LILRA4: variants seen among roughly 807,000 people sequenced by gnomAD.
LILRA4 encodes leukocyte immunoglobulin-like receptor subfamily A member 4.
A neutral mutation model predicts 49.5 loss-of-function variants in LILRA4; 51 were observed. The ratio of observed to expected loss-of-function variants is 1.03; its 90% CI spans 0.82 to 1.30. The LOEUF is 1.30. Ranked by LOEUF, LILRA4 falls within the 50% of genes most tolerant of loss-of-function variation. The pLI is 0.00. For missense variants in LILRA4, 624 were observed against 625.6 expected (o/e 1.00, Z 0.03); for synonymous variants, 272 against 265.6 (o/e 1.02, Z -0.23).
Position 54,337,783 on chromosome 19 carries a change from C to T in LILRA4, c.656-87G>A, listed in dbSNP as rs971127891. Reference sequence around the variant, plus strand: ...TAGCCTTCCTCACTAGGGTTTCCAGCGTCCTTGTTTTTTTCTCATTCTGTA... The same window carrying T: ...TAGCCTTCCTCACTAGGGTTTCCAGTGTCCTTGTTTTTTTCTCATTCTGTA... On this transcript the variant is annotated intron_variant, in intron 4 of 7. Coordinates refer to ENST00000291759, the MANE Select transcript of LILRA4 (RefSeq NM_012276.5). 26 of 1,484,164 alleles carry T rather than the reference C, an allele frequency of 1.8e-5. 1 individual carries two copies. The highest frequency in any genetic ancestry group is 4.9e-5 in the Admixed American group (2 of 40,980). 91.9% of individuals were successfully genotyped at this position (1,484,164 alleles called of 1,614,324 possible).
Position 54,337,997 on chromosome 19 carries a change from ATAGCCG to A in LILRA4, c.588_593del (p.Gly197_Tyr198del). ...ACCACACGTATGGGGTGTTGTTTTC[ATAGCCG>A]TAGCATCTGAATGTACCCCTGTTGC... On this transcript the variant is annotated inframe_deletion, in exon 4 of 8. Transcript: ENST00000291759. 6.2e-7 allele frequency: 1 copy of A among 1,613,878 alleles called. No individual in the cohort carries two copies. The highest frequency in any genetic ancestry group is 8.5e-7 in the Non-Finnish European group (1 of 1,179,954).
intron 3 of LILRA4, 25 bp from the exon 4 acceptor site, chr19:54,338,260 G>A (rs764147883): frequency 2.6e-5 from 42 of 1,597,178 alleles, no homozygotes; most frequent in Middle Eastern, 1.7e-4. Context: ...AAAGGCAGCC[G>A]TGTTTAAATG....
chr19:54,337,109 C>G lies in LILRA4; in HGVS notation c.987G>C (p.Gln329His), dbSNP rs755550461. The G allele has an allele frequency of 1.2e-5, 19 of 1,613,782 alleles. No homozygotes were observed. Among genetic ancestry groups the G allele is most frequent in the Middle Eastern group, 3.3e-4 (2 of 6,084 alleles). Residue 329 changes from glutamine to histidine, a missense_variant, in exon 6 of 8, where the codon CAG becomes CAC. Physicochemically the swap from Gln to His is conservative, Grantham distance 24. Transcript: ENST00000291759. ...CTCCTGAGGTCACCGTGGGGCCCGG[C>G]TGCACTGAGAGGGAGGGTCTGTCAG... ...QISDRPSLSVQPGPTVTSGEK... is the reference protein window; with the variant it reads ...QISDRPSLSVHPGPTVTSGEK...
At position 54,338,486 on chromosome 19, in the gene LILRA4, T is replaced by A; in HGVS notation, c.265A>T (p.Met89Leu). 6.2e-7 allele frequency: 1 copy of A among 1,614,132 alleles called. No homozygotes were observed. The highest frequency in any genetic ancestry group is 1.6e-4 in the Middle Eastern group (1 of 6,062). ...TGATATCGCCCTGCATGTTCCCACA[T>A]CATGGATGGGATGGAGAGTTTGACC... is the stretch of plus-strand genomic sequence containing the variant. Reference protein sequence around the residue: ...NKVKLSIPSMMWEHAGRYHCY... With the variant: ...NKVKLSIPSMLWEHAGRYHCY... Residue 89 changes from methionine to leucine, a missense_variant, in exon 3 of 8, where the codon ATG becomes TTG. By Grantham distance (15) the Met-to-Leu change is conservative. Coordinates refer to ENST00000291759, the MANE Select transcript of LILRA4 (RefSeq NM_012276.5).
intron 3 of LILRA4, 52 bp from the exon 4 acceptor site, chr19:54,338,287 C>A (rs749669146): frequency 5.0e-6 from 8 of 1,593,104 alleles, no homozygotes; most frequent in Non-Finnish European, 6.0e-6. Flanking sequence ...ACACCTCCCA[C>A]CTTATCCTAC....
intron 2 of LILRA4, 72 bp downstream of exon 2, chr19:54,338,794 C>A: frequency 6.2e-7 from 1 of 1,606,296 alleles, no homozygotes; most frequent in African/African-American, 1.3e-5. Context: ...TGTCTTCACC[C>A]CCAGCTGCCC....
In LILRA4 at chr19:54,333,337, G is replaced by C; in HGVS notation, c.*235C>G. 1.8e-6 allele frequency: 1 copy of C among 565,166 alleles called. No homozygotes were observed. The highest frequency in any genetic ancestry group is 1.9e-5 in the African/African-American group (1 of 52,768). 35.0% of individuals were successfully genotyped at this position (565,166 alleles called of 1,614,324 possible). On this transcript the variant is annotated 3_prime_UTR_variant, in exon 8 of 8. Coordinates refer to ENST00000291759, the MANE Select transcript of LILRA4 (RefSeq NM_012276.5). ...GAGCAGAGCATGAGGTCACAGAGGG[G>C]CGGACCCAAACCCACCATAGGGGTG...
chr19:54,333,604 A>G lies in LILRA4; in HGVS notation c.1468T>C (p.Phe490Leu). The G allele has an allele frequency of 6.2e-7, 1 of 1,614,128 alleles. No homozygotes were observed. The change falls in exon 8 of 8, where the codon TTC becomes CTC. Residue 490 changes from phenylalanine to leucine, a missense_variant. By Grantham distance (22) the Phe-to-Leu change is conservative. Coordinates refer to ENST00000291759, the MANE Select transcript of LILRA4 (RefSeq NM_012276.5). ...TGTTCCCAAGGCTCCACCACTCTGAAGGGTGCATTGTCCTTTCTGCTGTTT... is the reference window on the plus strand; with the variant it reads ...TGTTCCCAAGGCTCCACCACTCTGAGGGGTGCATTGTCCTTTCTGCTGTTT... ...EANSRKDNAPFRVVEPWEQI is the reference protein window; with the variant it reads ...EANSRKDNAPLRVVEPWEQI
At chr19:54,336,232 C>T (rs1463734917) in intron 6 of LILRA4, 1 of 154,236 alleles carries the variant, frequency 6.5e-6, no homozygotes, top group African/African-American at 2.4e-5. Context: ...CCCCTCTGTT[C>T]CTCTGAGGAA....
In LILRA4 at chr19:54,338,665, G is replaced by A; in HGVS notation, c.86C>T (p.Pro29Leu). ...GGGACCTGGCTCGGCCCACAGGATG[G>A]GTTTGAGTAGGTTTTCTGGAAGGAA... Reference protein sequence around the residue: ...TRVQAENLLKPILWAEPGPVI... With the variant: ...TRVQAENLLKLILWAEPGPVI... Residue 29 changes from proline (P) to leucine (L), a missense_variant, in exon 3 of 8, where the codon CCC becomes CTC. Physicochemically the swap from Pro to Leu is moderately conservative, Grantham distance 98 (BLOSUM62 -3). Coordinates refer to ENST00000291759, the MANE Select transcript of LILRA4 (RefSeq NM_012276.5). 1 of 1,609,508 alleles carries A rather than the reference G, an allele frequency of 6.2e-7. No homozygotes were observed. Among genetic ancestry groups the A allele is most frequent in the Non-Finnish European group, 8.5e-7 (1 of 1,177,580 alleles).
Position 54,338,077 on chromosome 19 carries a change from T to C in LILRA4, c.514A>G (p.Asn172Asp). The change falls in exon 4 of 8, where the codon AAC becomes GAC. Residue 172 changes from asparagine to aspartate, a missense_variant. Asn to Asp is a conservative substitution (Grantham distance 23). Coordinates refer to ENST00000291759, the MANE Select transcript of LILRA4 (RefSeq NM_012276.5). ...AACAGGGCCTGGAACTTTCCATGGT[T>C]GTGTTGGTGTGAGTTCAGGGTCCAG... ...LSWTLNSHQH[N>D]HGKFQALFPM... 6.2e-7 allele frequency: 1 copy of C among 1,614,042 alleles called. No individual in the cohort carries two copies. Among genetic ancestry groups the C allele is most frequent in the Non-Finnish European group, 8.5e-7 (1 of 1,179,972 alleles).
At chr19:54,333,877 G>A (rs753662394) in intron 7 of LILRA4, 38 bp downstream of exon 7, 39 of 1,612,104 alleles carry the variant, frequency 2.4e-5, no homozygotes, top group South Asian at 2.0e-4. Context: ...CTGACCCTCT[G>A]TGCCCAGCCC....
At position 54,338,855 on chromosome 19, in the gene LILRA4, G is replaced by A; in HGVS notation, c.70+11C>T. ...GGAGGAGGGACCTAGGACAGCTGGGGACAGACTCACCTGCCTGCACCCGGG... is the reference window on the plus strand; with the variant it reads ...GGAGGAGGGACCTAGGACAGCTGGGAACAGACTCACCTGCCTGCACCCGGG... On this transcript the variant is annotated intron_variant, in intron 2 of 7. Transcript: ENST00000291759. The A allele has an allele frequency of 6.2e-7, 1 of 1,613,958 alleles. No homozygotes were observed. The highest frequency in any genetic ancestry group is 2.2e-5 in the East Asian group (1 of 44,880).
Position 54,333,615 on chromosome 19 carries a change from T to C in LILRA4, c.1457A>G (p.Asp486Gly). 2 of 1,614,144 alleles carry C rather than the reference T, an allele frequency of 1.2e-6. No homozygotes were observed. The highest frequency in any genetic ancestry group is 1.7e-6 in the Non-Finnish European group (2 of 1,180,012). The change falls in exon 8 of 8, where the codon GAC becomes GGC. Residue 486 changes from aspartate to glycine, a missense_variant. Asp to Gly is a moderately conservative substitution (Grantham distance 94, BLOSUM62 -1). Transcript: ENST00000291759. Reference sequence around the variant, plus strand: ...CTCCACCACTCTGAAGGGTGCATTGTCCTTTCTGCTGTTTGCCTCCTGGCT... The same window carrying C: ...CTCCACCACTCTGAAGGGTGCATTGCCCTTTCTGCTGTTTGCCTCCTGGCT... ...RCSQEANSRK[D>G]NAPFRVVEPW...
Position 54,339,051 on chromosome 19 carries a change from A to G in LILRA4, c.34+9T>C. Reference sequence around the variant, plus strand: ...ACTAGGGTCTCTCCTCCCCCTCTTAAGATCTCACCAAAGAAGAGCAGGCTT... The same window carrying G: ...ACTAGGGTCTCTCCTCCCCCTCTTAGGATCTCACCAAAGAAGAGCAGGCTT... On this transcript the variant is annotated intron_variant, in intron 1 of 7. Transcript: ENST00000291759. 1.2e-6 allele frequency: 2 copies of G among 1,614,120 alleles called. No individual in the cohort carries two copies. Among genetic ancestry groups the G allele is most frequent in the Non-Finnish European group, 1.7e-6 (2 of 1,179,986 alleles).
In LILRA4 at chr19:54,339,095, G is replaced by T. The variant is rs761252428; in HGVS notation, c.-2C>A. The T allele has an allele frequency of 1.9e-6, 3 of 1,614,024 alleles. No individual in the cohort carries two copies. The highest frequency in any genetic ancestry group is 2.5e-6 in the Non-Finnish European group (3 of 1,180,008). Reference sequence around the variant, plus strand: ...CAGGCTTGTGAGAATGAGGGTCATGGCATCTCCTCCTCCTGGCCCTGGCTG... The same window carrying T: ...CAGGCTTGTGAGAATGAGGGTCATGTCATCTCCTCCTCCTGGCCCTGGCTG... On this transcript the variant is annotated 5_prime_UTR_variant, in exon 1 of 8. Transcript: ENST00000291759.
rs923864392 is a variant in LILRA4, at chr19:54,337,197, C to T, written c.953-54G>A. The stretch of plus-strand genomic sequence containing the variant: ...TGCCCCACCTTGTTCTGAGCTGAGA[C>T]CTCCCCACCAGTCCTCTCCCTGGGA... On this transcript the variant is annotated intron_variant, in intron 5 of 7. Transcript: ENST00000291759. The T allele has an allele frequency of 7.7e-6, 12 of 1,557,344 alleles. No homozygotes were observed. In the African/African-American group the frequency reaches 1.6e-4, roughly 21 times the overall value.
intron 4 of LILRA4, 52 bp downstream of exon 4, chr19:54,337,884 C>G (rs890438297): frequency 1.9e-6 from 3 of 1,558,310 alleles, no homozygotes; most frequent in African/African-American, 2.7e-5. Context: ...AGGCTCCCAA[C>G]AGCTCACCTG....
chr19:54,335,313 A>G (rs1270625371), intron 6 of LILRA4: 6 of 151,472 alleles, frequency 4.0e-5, no homozygotes, highest in Non-Finnish European at 8.8e-5. Context: ...AGTGGGTAGC[A>G]CCTCCCCCTT....
Sources: allele counts gnomAD v4.1 joint callset, GRCh38; gene constraint gnomAD v4.1.1; transcripts MANE v1.5; gene names NCBI Gene and HGNC (gene_info 2026-07-23, HGNC 2026-07-21).